Variants in REPS2 observed in about 807,000 individuals in gnomAD.
The protein encoded by REPS2 is RALBP1 associated Eps domain containing 2.
REPS2 carries 23 observed loss-of-function variants against 53.6 expected under a neutral mutation model. That is an observed-to-expected ratio of 0.43 (90% confidence interval 0.31 to 0.61). The LOEUF (loss-of-function observed/expected upper bound fraction) is 0.61, where lower values mean the gene tolerates loss of function less well. Among genes scored for constraint, REPS2 ranks in the 20% least tolerant of loss-of-function variants. REPS2 has a pLI of 0.11. For synonymous variants in REPS2, 238 were observed against 218.6 expected (o/e 1.09, Z -0.78); for missense variants, 446 against 534.9 (o/e 0.83, Z 1.64).
intron 13 of REPS2, among the ~76,000 whole-genome samples, chrX:17,082,429 A>C (rs893950012): frequency 1.8e-5 from 2 of 112,436 alleles, no homozygotes; most frequent in African/African-American, 6.5e-5. Context: ...GTTGATGGTC[A>C]GTTGTTTTTT....
intron 5 of REPS2, among the ~76,000 whole-genome samples, chrX:17,042,293 G>A (rs933783843): frequency 8.9e-6 from 1 of 111,849 alleles, no homozygotes; most frequent in Admixed American, 9.5e-5. Context: ...CAAAAGTGGA[G>A]CTTTTCCTGG....
At chrX:16,968,524 C>A (rs1433304412) in intron 1 of REPS2, among the ~76,000 whole-genome samples, 2 of 97,532 alleles carry the variant, frequency 2.1e-5, no homozygotes, top group African/African-American at 3.8e-5. Flanking sequence ...GGGGGGCTGA[C>A]CCCCCCACCT....
rs1321443433 is a variant in REPS2 at position 17,054,153 on chromosome X, C to T, written c.972-655C>T. 2.7e-5 allele frequency among the ~76,000 whole-genome samples: 3 copies of T among 111,965 alleles called. No individual in the cohort carries two copies. In the Admixed American group the frequency reaches 2.8e-4, roughly 11 times the overall value. ...TGACTGAAGTTAAGCCTGTTTGAGACTCCCCCTTTCTTCCTTTTTGTCTTA... is the reference window on the plus strand; with the variant it reads ...TGACTGAAGTTAAGCCTGTTTGAGATTCCCCCTTTCTTCCTTTTTGTCTTA... On this transcript the variant is annotated intron_variant, in intron 7 of 17. Transcript: ENST00000357277.
chrX:16,973,058 T>G (rs2060913811), intron 1 of REPS2, among the ~76,000 whole-genome samples: 1 of 112,054 alleles, frequency 8.9e-6, no homozygotes, highest in Non-Finnish European at 1.9e-5. Flanking sequence ...TAATCTTTAA[T>G]GACACCTTTG....
intron 15 of REPS2, among the ~76,000 whole-genome samples, chrX:17,134,918 G>A (rs921447608): frequency 2.7e-5 from 3 of 111,198 alleles, no homozygotes; most frequent in African/African-American, 6.5e-5. Flanking sequence ...CACTGCGCCC[G>A]GCCAAAATTT....
Position 17,071,592 on chromosome X carries a change from G to A in REPS2, c.1333+1599G>A, listed in dbSNP as rs147649883. ...TCTTCCCACTACTGCCCCTCTCTGGGTATGAGGGAGTTCCTCATCTTAAAC... is the reference window on the plus strand; with the variant it reads ...TCTTCCCACTACTGCCCCTCTCTGGATATGAGGGAGTTCCTCATCTTAAAC... On this transcript the variant is annotated intron_variant, in intron 11 of 17. Coordinates refer to ENST00000357277, the MANE Select transcript of REPS2 (RefSeq NM_004726.3). Among the ~76,000 whole-genome samples, 438 of 111,573 alleles carry A rather than the reference G, an allele frequency of 3.9e-3. 1 individual carries two copies. Among genetic ancestry groups the A allele is most frequent in the African/African-American group, 0.012 (383 of 30,684 alleles).
chrX:17,100,147 G>A lies in REPS2; in HGVS notation c.1517-3571G>A, dbSNP rs2062766886. On this transcript the variant is annotated intron_variant, in intron 13 of 17. Transcript: ENST00000357277. Reference sequence around the variant, plus strand: ...AACTCATGAGGTCAGGGCAATCCAAGTTCTCTTCTGACTCCCATGTGTTGT... The same window carrying A: ...AACTCATGAGGTCAGGGCAATCCAAATTCTCTTCTGACTCCCATGTGTTGT... The A allele has an allele frequency of 4.4e-6, 3 of 680,046 alleles. No individual in the cohort carries two copies. The African/African-American group carries it at 6.3e-5, about 14-fold the overall frequency. 56.0% of individuals were successfully genotyped at this position (680,046 alleles called of 1,213,427 possible).
At position 17,152,386 on chromosome X, in the gene REPS2, C is replaced by G. The variant is rs1279774082; in HGVS notation, c.*4905C>G. 1 of 112,224 alleles carries G rather than the reference C, an allele frequency of 8.9e-6. No individual in the cohort carries two copies. Among genetic ancestry groups the G allele is most frequent in the Non-Finnish European group, 1.9e-5 (1 of 53,221 alleles). The allele number at this position is 112,224 out of a possible 1,213,427, so 9.2% of individuals were successfully genotyped here. A position where few individuals can be genotyped will look rare whatever the true frequency, so the allele number is the denominator to read the frequency against. ...CAGGACATGTTCTAGTTACAGAAGC[C>G]TTGCTCTGCTGTCAACAATTGGGAA... On this transcript the variant is annotated 3_prime_UTR_variant, in exon 18 of 18. Coordinates refer to ENST00000357277, the MANE Select transcript of REPS2 (RefSeq NM_004726.3).
intron 2 of REPS2, among the ~76,000 whole-genome samples, chrX:17,010,446 A>T (rs1157570823): frequency 8.9e-6 from 1 of 112,027 alleles, no homozygotes; most frequent in African/African-American, 3.2e-5. Flanking sequence ...AAGTGAGGTG[A>T]TCCTTGGGTG....
intron 6 of REPS2, among the ~76,000 whole-genome samples, chrX:17,051,470 A>G (rs983512437): frequency 9.8e-5 from 11 of 112,049 alleles, no homozygotes; most frequent in African/African-American, 3.2e-4. Flanking sequence ...AATTCCCACC[A>G]ACAGTTAGCA....
At chrX:17,121,681 A>T in intron 14 of REPS2, among the ~76,000 whole-genome samples, 1 of 112,271 alleles carries the variant, frequency 8.9e-6, no homozygotes, top group East Asian at 2.8e-4. Flanking sequence ...CACTTTAAGG[A>T]CATTACAGGA....
chrX:17,034,547 C>T (rs925195187), intron 5 of REPS2, among the ~76,000 whole-genome samples: 3 of 111,841 alleles, frequency 2.7e-5, no homozygotes, highest in Non-Finnish European at 5.6e-5. Context: ...CTGCCCGCCT[C>T]GGACTCCCAA....
chrX:17,065,751 T>C (rs1424331864), intron 9 of REPS2, among the ~76,000 whole-genome samples: 2 of 111,252 alleles, frequency 1.8e-5, no homozygotes, highest in African/African-American at 6.6e-5. Flanking sequence ...CAAGCCCAGA[T>C]AATTTTTCTA....
At chrX:17,068,661 C>T (rs1304300408) in intron 10 of REPS2, among the ~76,000 whole-genome samples, 190 bp downstream of exon 10, 1 of 112,649 alleles carries the variant, frequency 8.9e-6, no homozygotes, top group Non-Finnish European at 1.9e-5. Flanking sequence ...GCTTGAGTGT[C>T]CAGAGTCTTC....
rs542832144 is a variant in REPS2 at position 17,003,965 on chromosome X, A to G, written c.274-2256A>G. ...CTGATTTGTATCCAGCATCCCAGCC[A>G]TTTAGTGTACATCCGTAAGCTGTAA... is the stretch of plus-strand genomic sequence containing the variant. On this transcript the variant is annotated intron_variant, in intron 1 of 17. Transcript: ENST00000357277. 1.8e-4 allele frequency among the ~76,000 whole-genome samples: 20 copies of G among 111,880 alleles called. No individual in the cohort carries two copies. The South Asian group carries it at 7.1e-3, about 40-fold the overall frequency.
intron 8 of REPS2, among the ~76,000 whole-genome samples, chrX:17,059,080 G>A (rs1454377974): frequency 7.9e-5 from 8 of 101,203 alleles, no homozygotes; most frequent in South Asian, 9.4e-4. Flanking sequence ...GTGCAATCTC[G>A]GCTCACTGCA....
chrX:17,093,642 A>G (rs1054949677), intron 13 of REPS2, among the ~76,000 whole-genome samples: 1 of 110,763 alleles, frequency 9.0e-6, no homozygotes, highest in African/African-American at 3.3e-5. Context: ...GTAGACTTCA[A>G]TTTTTGCCAT....
At chrX:16,990,014 G>A (rs1437608985) in intron 1 of REPS2, among the ~76,000 whole-genome samples, 2 of 111,958 alleles carry the variant, frequency 1.8e-5, no homozygotes, top group East Asian at 5.6e-4. Flanking sequence ...ATTCATAATA[G>A]CCCATAACTG....
intron 1 of REPS2, among the ~76,000 whole-genome samples, chrX:16,947,687 G>A (rs2060458013): frequency 8.9e-6 from 1 of 111,781 alleles, no homozygotes; most frequent in Admixed American, 9.5e-5. Flanking sequence ...ATATTAAATC[G>A]AAAACCTTAA....
Sources: allele counts gnomAD v4.1 joint callset (sites outside exome capture counted in the v4.1 genomes callset), GRCh38; gene constraint gnomAD v4.1.1; transcripts MANE v1.5; gene names NCBI Gene and HGNC (gene_info 2026-07-23, HGNC 2026-07-21).